FHAD1: variants seen among roughly 807,000 people sequenced by gnomAD.
FHAD1 encodes the protein forkhead-associated domain-containing protein 1.
Under a neutral mutation model 191.3 loss-of-function variants are expected in FHAD1, and 146 were observed. The ratio of observed to expected loss-of-function variants is 0.76; its 90% CI spans 0.67 to 0.88. The LOEUF (loss-of-function observed/expected upper bound fraction) is 0.88. Ranked by LOEUF, FHAD1 falls within the 40% of genes least tolerant of loss-of-function variation. FHAD1 has a pLI of 0.00. For missense variants in FHAD1, 1,635 were observed against 1,785.8 expected, an observed-to-expected ratio of 0.92 and a Z score of 1.52; for synonymous variants, 616 against 672.3, an observed-to-expected ratio of 0.92 and a Z score of 1.29.
At chr1:15,252,969 G>A (rs1646966392) in intron 2 of FHAD1, among the ~76,000 whole-genome samples, 1 of 152,158 alleles carries the variant, frequency 6.6e-6, no homozygotes, top group Admixed American at 6.5e-5. Context: ...GTGAGAAGCA[G>A]ATCTCTTTCA....
chr1:15,323,948 C>A (rs995855624), intron 10 of FHAD1, among the ~76,000 whole-genome samples: 1 of 152,184 alleles, frequency 6.6e-6, no homozygotes, highest in African/African-American at 2.4e-5. Flanking sequence ...TTACCAAGTG[C>A]CCACGATGGG....
intron 14 of FHAD1, among the ~76,000 whole-genome samples, chr1:15,338,486 A>C (rs1443723885): frequency 1.3e-5 from 2 of 152,172 alleles, no homozygotes; most frequent in East Asian, 1.9e-4. Context: ...CATTGGGTCC[A>C]CCCAGATAAT....
chr1:15,313,617 T>C (rs1417933935), intron 8 of FHAD1, among the ~76,000 whole-genome samples: 1 of 152,174 alleles, frequency 6.6e-6, no homozygotes, highest in Non-Finnish European at 1.5e-5. Context: ...GGGCTTCCCC[T>C]CATCCCAGTA....
In FHAD1 at chr1:15,316,129, G is replaced by T. The variant is rs1182429514; in HGVS notation, c.1171-249G>T. 1.3e-5 allele frequency among the ~76,000 whole-genome samples: 2 copies of T among 152,230 alleles called. No individual in the cohort carries two copies. The highest frequency in any genetic ancestry group is 2.9e-5 in the Non-Finnish European group (2 of 68,044). The stretch of plus-strand genomic sequence containing the variant: ...CTGGATTTTCCTTGTGGTTTAGATT[G>T]CTGGCTTTTGAAGATGAGAGTAGTG... On this transcript the variant is annotated intron_variant, in intron 8 of 33. Coordinates refer to ENST00000688493, the MANE Select transcript of FHAD1 (RefSeq NM_001391957.1). This position sits in a 1 kb window ranked among gnomAD's most constrained non-coding sequence, Gnocchi z 4.3.
chr1:15,305,631 G>A (rs184740570), intron 6 of FHAD1: 5 of 228,738 alleles, frequency 2.2e-5, no homozygotes, highest in Non-Finnish European at 4.5e-5. Flanking sequence ...CCCAGCAGGA[G>A]GTAATTGAAT....
At chr1:15,317,767 C>T (rs1210033620) in intron 9 of FHAD1, 57 bp from the exon 10 acceptor site, 1 of 1,274,114 alleles carries the variant, frequency 7.8e-7, no homozygotes, top group African/African-American at 1.5e-5. Context: ...ACCTCTCAGC[C>T]AAGAAGGCAG....
chr1:15,358,325 A>T (rs1283845025), intron 21 of FHAD1, 42 bp downstream of exon 21: 1 of 1,507,174 alleles, frequency 6.6e-7, no homozygotes, highest in East Asian at 2.5e-5. Flanking sequence ...TTTTCTCTCA[A>T]TGGAAGATTA....
At chr1:15,351,197 T>C (rs146416231) in intron 19 of FHAD1, among the ~76,000 whole-genome samples, 3,193 of 152,092 alleles carry the variant, frequency 0.021, 118 homozygotes, top group African/African-American at 0.072. Context: ...ATACAAAAAT[T>C]AGCTGGGCCT....
intron 32 of FHAD1, among the ~76,000 whole-genome samples, chr1:15,389,193 C>G (rs1429161862): frequency 6.6e-6 from 1 of 152,090 alleles, no homozygotes; most frequent in Non-Finnish European, 1.5e-5. Context: ...CGCCTGTAAT[C>G]CCAGAATTTG....
chr1:15,331,621 T>C (rs1681593020), intron 14 of FHAD1, among the ~76,000 whole-genome samples: 1 of 141,076 alleles, frequency 7.1e-6, no homozygotes, highest in African/African-American at 2.7e-5. Flanking sequence ...GGTGGATGAA[T>C]GGATGGATAG....
At chr1:15,388,484 A>G (rs1196481314) in intron 32 of FHAD1, 13 of 847,778 alleles carry the variant, frequency 1.5e-5, no homozygotes, top group Non-Finnish European at 1.7e-5. Context: ...ATCCTAGGCC[A>G]CTAAGTAACT....
intron 1 of FHAD1, among the ~76,000 whole-genome samples, chr1:15,241,315 GA>G (rs1645341628): frequency 6.6e-6 from 1 of 152,188 alleles, no homozygotes; most frequent in African/African-American, 2.4e-5. Context: ...AAAGAAACCA[GA>G]CAGAAGATGG....
intron 18 of FHAD1, among the ~76,000 whole-genome samples, chr1:15,348,262 C>T (rs1262202405): frequency 6.6e-6 from 1 of 152,212 alleles, no homozygotes; most frequent in Non-Finnish European, 1.5e-5. Flanking sequence ...ATCTGGGGCC[C>T]TAACCAGTGG....
At chr1:15,317,135 G>A (rs570128117) in intron 9 of FHAD1, among the ~76,000 whole-genome samples, 1 of 152,308 alleles carries the variant, frequency 6.6e-6, no homozygotes, top group African/African-American at 2.4e-5. Context: ...AGGTTGCAGC[G>A]AGCCGAGATC....
At chr1:15,285,615 C>A (rs148606886) in intron 3 of FHAD1, among the ~76,000 whole-genome samples, 1 of 152,162 alleles carries the variant, frequency 6.6e-6, no homozygotes, top group East Asian at 1.9e-4. Context: ...TGCATTTACA[C>A]ATCATGCACT....
At chr1:15,378,720 T>G (rs1400356194) in intron 28 of FHAD1, among the ~76,000 whole-genome samples, 2 of 152,254 alleles carry the variant, frequency 1.3e-5, no homozygotes, top group Non-Finnish European at 2.9e-5. Flanking sequence ...ACAGTCACCT[T>G]CAGGCTTTTA....
At chr1:15,247,425 C>A in intron 1 of FHAD1, 30 bp downstream of exon 1, 2 of 190,228 alleles carry the variant, frequency 1.1e-5, no homozygotes, top group South Asian at 5.5e-5. Flanking sequence ...GGGTGGCGGG[C>A]CGAGACCGGG....
chr1:15,391,836 AG>A (rs777431455), intron 33 of FHAD1, among the ~76,000 whole-genome samples: 18 of 152,158 alleles, frequency 1.2e-4, no homozygotes, highest in Non-Finnish European at 2.4e-4. Context: ...GGGTGTTAGG[AG>A]GGTAGAGAGT....
chr1:15,318,723 A>G lies in FHAD1; in HGVS notation c.1365+795A>G, dbSNP rs932691238. 6.6e-6 allele frequency among the ~76,000 whole-genome samples: 1 copy of G among 152,248 alleles called. No individual in the cohort carries two copies. The highest frequency in any genetic ancestry group is 2.4e-5 in the African/African-American group (1 of 41,472). On this transcript the variant is annotated intron_variant, in intron 10 of 33. Transcript: ENST00000688493. This position sits in a 1 kb window ranked among gnomAD's most constrained non-coding sequence, Gnocchi z 4.1. ...TTCCAAGTGCATAGTAGCCACGTGT[A>G]GCTGGTGGCTGCTGCACTGGACAGC...
Sources: gnomAD v4.1 joint callset for allele counts (sites outside exome capture counted in the v4.1 genomes callset) on GRCh38, gnomAD v4.1.1 for gene constraint, Gnocchi (gnomAD v3.1) non-coding constraint, MANE v1.5 for transcripts, NCBI Gene and HGNC (gene_info 2026-07-23, HGNC 2026-07-21) for gene names.